ABL2: variants seen among roughly 807,000 people sequenced by gnomAD.
The protein encoded by ABL2 is ABL proto-oncogene 2, non-receptor tyrosine kinase, also known as tyrosine-protein kinase ABL2.
In ABL2, 49 loss-of-function variants were observed where a neutral mutation model predicts 107.7. That is an observed-to-expected ratio of 0.45 (90% CI 0.36 to 0.58). The LOEUF (loss-of-function observed/expected upper bound fraction) is 0.58. Among genes scored for constraint, ABL2 ranks in the 20% least tolerant of loss-of-function variants. The pLI, the probability that ABL2 is intolerant of heterozygous loss-of-function variation, is 0.00. For synonymous variants in ABL2, 549 were observed against 548.6 expected (o/e 1.00, Z -0.01); for missense variants, 1,245 against 1,457.0 (o/e 0.85, Z 2.37).
intron 1 of ABL2, among the ~76,000 whole-genome samples, chr1:179,200,445 G>A (rs1250158898): frequency 2.6e-5 from 4 of 152,182 alleles, no homozygotes; most frequent in African/African-American, 9.7e-5. Context: ...CAGATAGCTA[G>A]ACAGCAAGGT....
intron 1 of ABL2, among the ~76,000 whole-genome samples, chr1:179,219,559 T>C (rs1179901489): frequency 1.3e-5 from 2 of 152,236 alleles, no homozygotes; most frequent in Non-Finnish European, 2.9e-5. Flanking sequence ...GTTCAAGTTC[T>C]TTGATGGAAG....
intron 1 of ABL2, among the ~76,000 whole-genome samples, chr1:179,228,927 T>A (rs1571361792): frequency 6.6e-6 from 1 of 152,094 alleles, no homozygotes; most frequent in South Asian, 2.1e-4. Flanking sequence ...TCCTTCCCTC[T>A]CCTGAAGCTG....
chr1:179,107,708 C>A lies in ABL2; in HGVS notation c.*10G>T. On this transcript the variant is annotated 3_prime_UTR_variant, in exon 12 of 12. Transcript: ENST00000502732. ...GAAATGTGTGCATTTTCCCACCAGG[C>A]TAACAGTGGCTACCTCTGCACCACA... 6.3e-7 allele frequency: 1 copy of A among 1,586,804 alleles called. No individual in the cohort carries two copies. The highest frequency in any genetic ancestry group is 8.6e-7 in the Non-Finnish European group (1 of 1,163,358).
chr1:179,195,957 A>T (rs1300965751), intron 1 of ABL2, among the ~76,000 whole-genome samples: 1 of 152,204 alleles, frequency 6.6e-6, no homozygotes, highest in Non-Finnish European at 1.5e-5. Flanking sequence ...CTGGAGATGG[A>T]TGGTGGTCAT....
chr1:179,220,713 G>A (rs1662824761), intron 1 of ABL2, among the ~76,000 whole-genome samples: 1 of 152,196 alleles, frequency 6.6e-6, no homozygotes, highest in Admixed American at 6.5e-5. Flanking sequence ...TGAAAGTCTG[G>A]TTTTCAGTAG....
chr1:179,156,681 T>C (rs1057472023), intron 1 of ABL2, among the ~76,000 whole-genome samples: 2 of 151,982 alleles, frequency 1.3e-5, no homozygotes, highest in South Asian at 2.1e-4. Flanking sequence ...TCAAAGACCA[T>C]CCTGGTCAAC....
At chr1:179,128,402 C>G (rs1557933269) in intron 3 of ABL2, among the ~76,000 whole-genome samples, 1 of 151,904 alleles carries the variant, frequency 6.6e-6, no homozygotes, top group African/African-American at 2.4e-5. Flanking sequence ...TAGCTTTTCT[C>G]TGTTAGTCCA....
intron 1 of ABL2, 74 bp downstream of exon 1, chr1:179,229,167 T>TGCGGC: frequency 2.5e-6 from 1 of 402,564 alleles, no homozygotes; most frequent in Non-Finnish European, 4.6e-6. Context: ...GGGCAGCCCG[T>TGCGGC]CCGCCACCCA....
intron 1 of ABL2, among the ~76,000 whole-genome samples, chr1:179,139,361 C>G (rs954222959): frequency 1.2e-4 from 19 of 152,018 alleles, no homozygotes; most frequent in African/African-American, 4.6e-4. Flanking sequence ...CCTGAGCCAG[C>G]GAGACCACGA....
chr1:179,166,342 TCATCTTATAAGGAAC>T (rs2102763493), intron 1 of ABL2, among the ~76,000 whole-genome samples: 1 of 150,568 alleles, frequency 6.6e-6, no homozygotes, highest in South Asian at 2.1e-4. Context: ...TGCAAACTAT[TCATCTTATAAGGAAC>T]TAATACTCAG....
At chr1:179,179,893 G>C (rs1053513894) in intron 1 of ABL2, among the ~76,000 whole-genome samples, 1 of 151,782 alleles carries the variant, frequency 6.6e-6, no homozygotes, top group Non-Finnish European at 1.5e-5. Flanking sequence ...TTGAGGTCAG[G>C]GGTTCAAGAC....
At chr1:179,166,606 G>A (rs1177515886) in intron 1 of ABL2, among the ~76,000 whole-genome samples, 2 of 151,690 alleles carry the variant, frequency 1.3e-5, no homozygotes, top group Admixed American at 6.6e-5. Context: ...GTGAAACCCC[G>A]TCTCTACTAA....
rs932531123 is a variant in ABL2, at chr1:179,100,150, T to C, written c.*7568A>G. 7 of 230,700 alleles carry C rather than the reference T, an allele frequency of 3.0e-5. No homozygotes were observed. The highest frequency in any genetic ancestry group is 5.7e-5 in the Admixed American group (1 of 17,684). The allele number at this position is 230,700 out of a possible 1,614,324, so 14.3% of individuals were successfully genotyped here. A position where few individuals can be genotyped will look rare whatever the true frequency, so the allele number is the denominator to read the frequency against. On this transcript the variant is annotated 3_prime_UTR_variant, in exon 12 of 12. Transcript: ENST00000502732. ...CTAGTTTCTGAATACTGATTGACAA[T>C]TGGCCTAATCATGGTGATTTCTCAA...
At chr1:179,127,431 A>C (rs568901855) in intron 3 of ABL2, among the ~76,000 whole-genome samples, 2 of 152,314 alleles carry the variant, frequency 1.3e-5, no homozygotes, top group East Asian at 1.9e-4. Flanking sequence ...CTGAAGTTGG[A>C]AACCAAAACC....
At chr1:179,129,886 T>C (rs2493124) in intron 3 of ABL2, among the ~76,000 whole-genome samples, 53,708 of 151,958 alleles carry the variant, frequency 0.35, 9,823 homozygotes, top group East Asian at 0.49. Flanking sequence ...CTATGTACAA[T>C]TGGCCAGCAC....
chr1:179,124,344 C>T (rs1251033662), intron 4 of ABL2, among the ~76,000 whole-genome samples: 1 of 151,998 alleles, frequency 6.6e-6, no homozygotes, highest in Non-Finnish European at 1.5e-5. Flanking sequence ...ATGTAAACAT[C>T]ACCCACACCA....
chr1:179,143,789 C>A (rs1323116172), intron 1 of ABL2, among the ~76,000 whole-genome samples: 1 of 152,188 alleles, frequency 6.6e-6, no homozygotes, highest in Admixed American at 6.5e-5. Flanking sequence ...CTCTACCTCA[C>A]GGGTTCAAGT....
At chr1:179,157,991 A>G (rs995026195) in intron 1 of ABL2, among the ~76,000 whole-genome samples, 4 of 152,182 alleles carry the variant, frequency 2.6e-5, no homozygotes, top group African/African-American at 9.7e-5. Flanking sequence ...GTTCATTTCC[A>G]TTTTCCTTTT....
chr1:179,165,012 T>A (rs1659297377), intron 1 of ABL2, among the ~76,000 whole-genome samples: 1 of 152,188 alleles, frequency 6.6e-6, no homozygotes, highest in South Asian at 2.1e-4. Context: ...TATATTGTAG[T>A]AGAAGTTAGG....
Sources: gnomAD v4.1 joint callset for allele counts (sites outside exome capture counted in the v4.1 genomes callset) on GRCh38, gnomAD v4.1.1 for gene constraint, MANE v1.5 for transcripts, NCBI Gene and HGNC (gene_info 2026-07-23, HGNC 2026-07-21) for gene names.